ZNF713: variants seen among roughly 807,000 people sequenced by gnomAD.
ZNF713 encodes zinc finger protein 713.
Under a neutral mutation model 28.7 loss-of-function variants are expected in ZNF713, and 21 were observed. That is an observed-to-expected ratio of 0.73 (90% CI 0.52 to 1.05). ZNF713 has a LOEUF of 1.05. Among genes scored for constraint, ZNF713 ranks in the 50% least tolerant of loss-of-function variants. ZNF713 has a pLI of 0.00. For synonymous variants in ZNF713, 167 were observed against 178.0 expected, an observed-to-expected ratio of 0.94 and a Z score of 0.49; for missense variants, 458 against 532.4, an observed-to-expected ratio of 0.86 and a Z score of 1.37.
At chr7:55,910,447 T>G (rs543293884) in intron 2 of ZNF713, among the ~76,000 whole-genome samples, 1 of 152,232 alleles carries the variant, frequency 6.6e-6, no homozygotes, top group African/African-American at 2.4e-5. Context: ...ATGGCTTTTA[T>G]TATTTTGAGG....
chr7:55,902,061 T>C (rs1275595267), intron 1 of ZNF713, among the ~76,000 whole-genome samples: 1 of 152,098 alleles, frequency 6.6e-6, no homozygotes, highest in Non-Finnish European at 1.5e-5. Flanking sequence ...CTTGGTGACG[T>C]GTGCCTATAA....
rs1415389842 is a variant in ZNF713 at position 55,923,726 on chromosome 7, A to G, written c.307+27A>G. ...TAAGTGCACACTCTTGGGCACTGCT[A>G]CTTAATGAGGGAAAACAGCCACTTC... On this transcript the variant is annotated intron_variant, in intron 6 of 6. Coordinates refer to ENST00000429591, the MANE Select transcript of ZNF713 (RefSeq NM_182633.3). 9 of 1,584,650 alleles carry G rather than the reference A, an allele frequency of 5.7e-6. No individual in the cohort carries two copies. The East Asian group carries it at 1.6e-4, about 28-fold the overall frequency.
At chr7:55,915,043 C>T (rs1233415225) in intron 4 of ZNF713, among the ~76,000 whole-genome samples, 2 of 152,106 alleles carry the variant, frequency 1.3e-5, no homozygotes, top group Non-Finnish European at 2.9e-5. Flanking sequence ...TTAGTAGAGA[C>T]GGGGTTTCAC....
chr7:55,915,868 C>A (rs890878687), intron 4 of ZNF713, among the ~76,000 whole-genome samples: 3 of 152,080 alleles, frequency 2.0e-5, no homozygotes, highest in Non-Finnish European at 4.4e-5. Context: ...AATAAGTAAT[C>A]CAATTCTACA....
intron 4 of ZNF713, among the ~76,000 whole-genome samples, chr7:55,922,896 TC>T (rs1160324564): frequency 3.9e-5 from 6 of 152,198 alleles, no homozygotes; most frequent in African/African-American, 1.4e-4. Flanking sequence ...AGTTTTTTAA[TC>T]ATTTGGATGA....
intron 2 of ZNF713, among the ~76,000 whole-genome samples, chr7:55,906,701 C>A (rs1486761385): frequency 6.6e-6 from 1 of 152,026 alleles, no homozygotes; most frequent in Non-Finnish European, 1.5e-5. Flanking sequence ...GGAATTGGGG[C>A]TTGGTTTTTC....
intron 4 of ZNF713, among the ~76,000 whole-genome samples, chr7:55,919,596 C>T (rs1785954344): frequency 6.8e-6 from 1 of 147,638 alleles, no homozygotes; most frequent in Non-Finnish European, 1.5e-5. Context: ...ACCTCCACCT[C>T]CCGGGTTCAA....
At chr7:55,907,858 G>A (rs1009623995) in intron 2 of ZNF713, among the ~76,000 whole-genome samples, 2 of 152,046 alleles carry the variant, frequency 1.3e-5, no homozygotes, top group African/African-American at 2.4e-5. Context: ...TCGAATCATC[G>A]GTTGATGGAC....
At chr7:55,896,616 C>T (rs992550256) in intron 1 of ZNF713, among the ~76,000 whole-genome samples, 3 of 150,982 alleles carry the variant, frequency 2.0e-5, no homozygotes, top group South Asian at 4.2e-4. Context: ...TATATATACA[C>T]ACACATAAAC....
intron 1 of ZNF713, among the ~76,000 whole-genome samples, chr7:55,891,516 A>G (rs1319478503): frequency 1.9e-5 from 1 of 52,128 alleles, no homozygotes; most frequent in Admixed American, 1.6e-4. Flanking sequence ...CTGGTCGCTA[A>G]TAACAACAAC....
At position 55,919,490 on chromosome 7, in the gene ZNF713, G is replaced by GTTTTTTTTGTTTTTT. The variant is rs1785945405; in HGVS notation, c.88-3664_88-3663insGTTTTTTTTTTTTTT. Among the ~76,000 whole-genome samples the GTTTTTTTTGTTTTTT allele has an allele frequency of 3.0e-3, 198 of 66,746 alleles. 7 individuals are homozygous for GTTTTTTTTGTTTTTT. Among genetic ancestry groups the GTTTTTTTTGTTTTTT allele is most frequent in the African/African-American group, 7.6e-3 (153 of 20,178 alleles). The allele number at this position is 66,746 out of a possible 152,430, so 43.8% of individuals were successfully genotyped here. On this transcript the variant is annotated intron_variant, in intron 4 of 6. Transcript: ENST00000429591. Reference sequence around the variant, plus strand: ...GCTGGATAAATTGGTAAACACTCCAGTTTTTTTTTTTTTTTTTTTTTTTTT... The same window carrying GTTTTTTTTGTTTTTT: ...GCTGGATAAATTGGTAAACACTCCAGTTTTTTTTGTTTTTTTTTTTTTTTTTTTTTTTTTTTTTTT...
chr7:55,912,785 T>A (rs1785809820), intron 4 of ZNF713, 62 bp downstream of exon 4: 5 of 1,393,500 alleles, frequency 3.6e-6, no homozygotes, highest in Non-Finnish European at 5.0e-6. Flanking sequence ...CACTTTTACT[T>A]TTTCATTTCT....
chr7:55,892,171 A>G (rs929356623), intron 1 of ZNF713, among the ~76,000 whole-genome samples: 3 of 149,600 alleles, frequency 2.0e-5, no homozygotes, highest in East Asian at 4.0e-4. Flanking sequence ...TCCCAGCTAC[A>G]GGAGGCTGAG....
In ZNF713 at chr7:55,912,665, AG is replaced by A. The variant is rs1562741076; in HGVS notation, c.31del (p.Glu11ArgfsTer9). 1 of 1,613,354 alleles carries A rather than the reference AG, an allele frequency of 6.2e-7. No individual in the cohort carries two copies. ...CCTTCTCAGAATGCTGTTTTTTCTC[AG>A]GAGGGGAACATGGAGGAGGAAGAAA... MPSQNAVFS[Q>X]EGNMEEEEMN... On this transcript the variant is annotated frameshift_variant, in exon 4 of 7. Coordinates refer to ENST00000429591, the MANE Select transcript of ZNF713 (RefSeq NM_182633.3). LOFTEE classifies it high-confidence loss of function.
chr7:55,939,769 C>T lies in ZNF713; in HGVS notation c.1095C>T (p.Thr365=), dbSNP rs780533983. The T allele has an allele frequency of 4.2e-5, 68 of 1,613,978 alleles. No individual in the cohort carries two copies. Among genetic ancestry groups the T allele is most frequent in the Admixed American group, 3.3e-4 (20 of 59,980 alleles). The change falls in exon 7 of 7, where the codon ACC becomes ACT. Residue 365 remains threonine (T), a synonymous_variant. Transcript: ENST00000429591. ...TTACTGAACATCATAGACTTCATAC[C>T]GGAGAGAAACCTTACGAATGTGGTT... is the stretch of plus-strand genomic sequence containing the variant. The part of the protein sequence containing the change: ...TSLTEHHRLH[T]GEKPYECGFC...
chr7:55,903,118 A>G (rs186668900), intron 1 of ZNF713, among the ~76,000 whole-genome samples: 54 of 152,200 alleles, frequency 3.5e-4, no homozygotes, highest in African/African-American at 1.3e-3. Flanking sequence ...CTATTTTGCA[A>G]CTTTCCTGTA....
chr7:55,911,312 T>C (rs1562740644), intron 2 of ZNF713, among the ~76,000 whole-genome samples: 2 of 152,240 alleles, frequency 1.3e-5, no homozygotes, highest in Middle Eastern at 3.2e-3. Flanking sequence ...AACATGTGTT[T>C]TTCCATCTTT....
intron 1 of ZNF713, among the ~76,000 whole-genome samples, chr7:55,903,760 T>C (rs78485977): frequency 0.045 from 6,727 of 150,464 alleles, 281 homozygotes; most frequent in East Asian, 0.22. Context: ...CCCTGAGACC[T>C]GAAAAAGGAG....
intron 1 of ZNF713, among the ~76,000 whole-genome samples, chr7:55,903,679 CAAA>C (rs1204440973): frequency 1.4e-5 from 2 of 142,692 alleles, no homozygotes; most frequent in Admixed American, 7.2e-5. Context: ...AAAAAAAAAA[CAAA>C]AAAAAACCTA....
Sources: gnomAD v4.1 joint callset for allele counts (sites outside exome capture counted in the v4.1 genomes callset) on GRCh38, gnomAD v4.1.1 for gene constraint, MANE v1.5 for transcripts, NCBI Gene and HGNC (gene_info 2026-07-23, HGNC 2026-07-21) for gene names.